The following PTN variants were observed in gnomAD, a reference collection of about 807,000 sequenced individuals.
PTN encodes the protein heparin affin regulatory protein.
In PTN, 18 loss-of-function variants were observed where a neutral mutation model predicts 24.1. That is an observed-to-expected ratio of 0.75 (90% CI 0.52 to 1.11). The LOEUF is 1.11. PTN is among the 50% of genes least tolerant of loss of function. The pLI is 0.00. For synonymous variants in PTN, 78 were observed against 68.6 expected (o/e 1.14, Z -0.67); for missense variants, 163 against 198.8 (o/e 0.82, Z 1.08).
Position 137,253,768 on chromosome 7 carries a change from A to G in PTN, c.116-131T>C, listed in dbSNP as rs1808870492. 2.1e-5 allele frequency: 16 copies of G among 765,854 alleles called. No homozygotes were observed. In the East Asian group the frequency reaches 4.9e-4, roughly 23 times the overall value. 47.4% of individuals were successfully genotyped at this position (765,854 alleles called of 1,614,324 possible). Reference sequence around the variant, plus strand: ...AATCTGTATCCTTATTGTCTAATGAATAGTAGAAACATGATGAATATTAAC... The same window carrying G: ...AATCTGTATCCTTATTGTCTAATGAGTAGTAGAAACATGATGAATATTAAC... On this transcript the variant is annotated intron_variant, in intron 2 of 4. Transcript: ENST00000348225.
At chr7:137,260,837 T>G (rs987775062) in intron 1 of PTN, among the ~76,000 whole-genome samples, 4 of 152,202 alleles carry the variant, frequency 2.6e-5, no homozygotes. Flanking sequence ...TTAGCAGCCA[T>G]TGGTACTTAA....
rs544337145 is a variant in PTN at position 137,337,006 on chromosome 7, C to A, written c.-2+6433G>T. ...TGGTTTATACCTCAGTATTTTGGAC[C>A]TTGGAGCTCAAATATTGAGCGATTA... On this transcript the variant is annotated intron_variant, in intron 1 of 4. Coordinates refer to ENST00000348225, the MANE Select transcript of PTN (RefSeq NM_002825.7). Among the ~76,000 whole-genome samples, 3 of 152,148 alleles carry A rather than the reference C, an allele frequency of 2.0e-5. No homozygotes were observed. In the East Asian group the frequency reaches 5.8e-4, roughly 29 times the overall value.
chr7:137,247,837 T>A (rs1808750503), intron 4 of PTN, among the ~76,000 whole-genome samples: 1 of 152,184 alleles, frequency 6.6e-6, no homozygotes, highest in South Asian at 2.1e-4. Flanking sequence ...CTTCTCCTAT[T>A]TCAAAGGAAA....
At chr7:137,318,081 A>G (rs911685778) in intron 1 of PTN, among the ~76,000 whole-genome samples, 3 of 152,178 alleles carry the variant, frequency 2.0e-5, no homozygotes, top group Non-Finnish European at 4.4e-5. Flanking sequence ...AGCCTGACCA[A>G]TATAGTGAAA....
intron 1 of PTN, among the ~76,000 whole-genome samples, chr7:137,303,937 T>C (rs1333442276): frequency 6.6e-6 from 1 of 151,928 alleles, no homozygotes; most frequent in Non-Finnish European, 1.5e-5. Context: ...CACAAAAAAA[T>C]TTGATGTGGC....
At chr7:137,246,868 A>G (rs1808732260) in intron 4 of PTN, among the ~76,000 whole-genome samples, 1 of 152,320 alleles carries the variant, frequency 6.6e-6, no homozygotes, top group African/African-American at 2.4e-5. Flanking sequence ...ATCTGGTTGC[A>G]CTGCTTGCAA....
rs114197878 is a variant in PTN, at chr7:137,298,617, C to T, written c.-1-43643G>A. 6.0e-3 allele frequency among the ~76,000 whole-genome samples: 913 copies of T among 151,986 alleles called. 9 individuals are homozygous for T. Among genetic ancestry groups the T allele is most frequent in the African/African-American group, 0.021 (881 of 41,494 alleles). Reference sequence around the variant, plus strand: ...AGAACAGACTGTTTCCATAGAGGCTCTACTTTATTCCTAGCTCTGTTGCCT... The same window carrying T: ...AGAACAGACTGTTTCCATAGAGGCTTTACTTTATTCCTAGCTCTGTTGCCT... On this transcript the variant is annotated intron_variant, in intron 1 of 4. Coordinates refer to ENST00000348225, the MANE Select transcript of PTN (RefSeq NM_002825.7).
chr7:137,277,963 G>A (rs1056370237), intron 1 of PTN, among the ~76,000 whole-genome samples: 1 of 152,026 alleles, frequency 6.6e-6, no homozygotes, highest in Non-Finnish European at 1.5e-5. Context: ...AGATGCAACA[G>A]CATGTTGCAT....
At chr7:137,330,221 G>A (rs918847568) in intron 1 of PTN, among the ~76,000 whole-genome samples, 7 of 152,078 alleles carry the variant, frequency 4.6e-5, no homozygotes, top group Non-Finnish European at 8.8e-5. Context: ...AGGAGGTGGA[G>A]GTTGCAGTGA....
At chr7:137,243,964 C>T (rs866270757) in intron 4 of PTN, among the ~76,000 whole-genome samples, 2 of 152,130 alleles carry the variant, frequency 1.3e-5, no homozygotes, top group Admixed American at 6.5e-5. Flanking sequence ...TTGGCCCTCC[C>T]GGAGATTCTT....
chr7:137,302,354 G>A (rs1809820035), intron 1 of PTN, among the ~76,000 whole-genome samples: 1 of 151,910 alleles, frequency 6.6e-6, no homozygotes, highest in African/African-American at 2.4e-5. Flanking sequence ...TGTCAGTATA[G>A]TAACATAATA....
intron 1 of PTN, among the ~76,000 whole-genome samples, chr7:137,279,003 C>A (rs1177998387): frequency 6.8e-6 from 1 of 146,922 alleles, no homozygotes; most frequent in Non-Finnish European, 1.5e-5. Context: ...ACGGACCAAT[C>A]CAGAATCATA....
At chr7:137,324,155 C>T (rs192262212) in intron 1 of PTN, among the ~76,000 whole-genome samples, 2 of 151,992 alleles carry the variant, frequency 1.3e-5, no homozygotes, top group South Asian at 2.1e-4. Context: ...TCAATAGATA[C>T]ATGCCAAATA....
intron 1 of PTN, among the ~76,000 whole-genome samples, chr7:137,339,602 T>C (rs532310885): frequency 1.4e-5 from 2 of 140,886 alleles, no homozygotes; most frequent in Admixed American, 1.4e-4. Context: ...AAAAATGCCA[T>C]TGAATCAGTA....
chr7:137,233,909 C>CATATATGTATATATGT, intron 4 of PTN, among the ~76,000 whole-genome samples: 1 of 147,114 alleles, frequency 6.8e-6, no homozygotes, highest in Admixed American at 6.8e-5. Flanking sequence ...CACACACACA[C>CATATATGTATATATGT]ATACATATAT....
chr7:137,316,142 T>C (rs992053689), intron 1 of PTN, among the ~76,000 whole-genome samples: 5 of 152,150 alleles, frequency 3.3e-5, no homozygotes, highest in African/African-American at 1.2e-4. Context: ...CAGAATCATC[T>C]CTTAAGGCCG....
chr7:137,326,309 C>T lies in PTN; in HGVS notation c.-2+17130G>A, dbSNP rs545040869. On this transcript the variant is annotated intron_variant, in intron 1 of 4. Transcript: ENST00000348225. ...ACTCTCTTACCCCAAATCAGCTCTT[C>T]CCCTACATTTCCCCTTTCTATCAAT... The T allele has an allele frequency of 3.9e-5, 6 of 152,354 alleles. No individual in the cohort carries two copies. In the South Asian group the frequency reaches 1.2e-3, roughly 32 times the overall value. 9.4% of individuals were successfully genotyped at this position (152,354 alleles called of 1,614,324 possible).
intron 1 of PTN, among the ~76,000 whole-genome samples, chr7:137,290,014 G>C (rs1026050056): frequency 2.0e-5 from 3 of 152,180 alleles, no homozygotes; most frequent in African/African-American, 7.2e-5. Flanking sequence ...ACAAAACAAA[G>C]AGGTTTAATT....
intron 1 of PTN, among the ~76,000 whole-genome samples, chr7:137,310,390 G>GTTTTTTTTTTTTTTTT (rs36009703): frequency 1.5e-5 from 2 of 137,204 alleles, no homozygotes; most frequent in Non-Finnish European, 3.1e-5. Context: ...AAGTTACCAT[G>GTTTTTTTTTTTTTTTT]TTTTTTTTTT....
Sources: allele counts gnomAD v4.1 joint callset (sites outside exome capture counted in the v4.1 genomes callset), GRCh38; gene constraint gnomAD v4.1.1; transcripts MANE v1.5; gene names NCBI Gene and HGNC (gene_info 2026-07-23, HGNC 2026-07-21).